The following RBFOX1 variants were observed in gnomAD, a reference collection of about 807,000 sequenced individuals.
RBFOX1 encodes the protein RNA binding fox-1 homolog 1.
A neutral mutation model predicts 57.7 loss-of-function variants in RBFOX1; 8 were observed. That is an observed-to-expected ratio of 0.14 (90% confidence interval 0.08 to 0.25). The LOEUF (loss-of-function observed/expected upper bound fraction) is 0.25, where lower values mean the gene tolerates loss of function less well. Ranked by LOEUF, RBFOX1 falls within the 10% of genes least tolerant of loss-of-function variation. The probability of loss-of-function intolerance (pLI) is 1.00; values close to 1 mark genes in which losing one functional copy is unlikely to be tolerated. For missense variants in RBFOX1, 611 were observed against 548.5 expected, an observed-to-expected ratio of 1.11 and a Z score of -1.14; for synonymous variants, 326 against 222.4, an observed-to-expected ratio of 1.47 and a Z score of -4.15.
At chr16:6,741,033 T>C (rs2071918116) in intron 3 of RBFOX1, among the ~76,000 whole-genome samples, 1 of 152,108 alleles carries the variant, frequency 6.6e-6, no homozygotes, top group South Asian at 2.1e-4. Context: ...CCTAAATCAA[T>C]GGAAGGGAAG....
At chr16:6,392,650 C>T (rs144640570) in intron 2 of RBFOX1, among the ~76,000 whole-genome samples, 1 of 152,272 alleles carries the variant, frequency 6.6e-6, no homozygotes, top group African/African-American at 2.4e-5. Flanking sequence ...TAATAGACCC[C>T]CCTAATGGGA....
intron 2 of RBFOX1, among the ~76,000 whole-genome samples, chr16:6,390,416 C>A (rs969409505): frequency 5.3e-5 from 8 of 152,012 alleles, no homozygotes; most frequent in African/African-American, 1.9e-4. Context: ...TTTGTTAATG[C>A]AGGTATCAAT....
chr16:6,338,239 C>G (rs2084037238), intron 2 of RBFOX1, among the ~76,000 whole-genome samples: 1 of 152,062 alleles, frequency 6.6e-6, no homozygotes, highest in South Asian at 2.1e-4. Context: ...AACACACACA[C>G]CTACACCTGT....
chr16:6,192,845 G>A (rs1007097467), intron 1 of RBFOX1, among the ~76,000 whole-genome samples: 4 of 152,102 alleles, frequency 2.6e-5, no homozygotes, highest in Non-Finnish European at 5.9e-5. Context: ...TTAATAAAAA[G>A]CATCTTTATT....
intron 11 of RBFOX1, among the ~76,000 whole-genome samples, chr16:7,650,153 A>T (rs2064703448): frequency 6.6e-6 from 1 of 152,122 alleles, no homozygotes; most frequent in African/African-American, 2.4e-5. Context: ...AATGTGATCG[A>T]TGAGCATTTT....
At chr16:6,684,242 G>C (rs1040899780) in intron 3 of RBFOX1, among the ~76,000 whole-genome samples, 1 of 152,194 alleles carries the variant, frequency 6.6e-6, no homozygotes, top group African/African-American at 2.4e-5. Flanking sequence ...GCTGGTGTTA[G>C]AGGCTAATGT....
chr16:7,444,242 T>A (rs1490647111), intron 4 of RBFOX1, among the ~76,000 whole-genome samples: 3 of 152,226 alleles, frequency 2.0e-5, no homozygotes, highest in African/African-American at 7.2e-5. Flanking sequence ...TTATCTATGT[T>A]CTAACCTGTT....
intron 1 of RBFOX1, among the ~76,000 whole-genome samples, chr16:5,375,276 C>T (rs2065956940): frequency 6.6e-6 from 1 of 151,998 alleles, no homozygotes; most frequent in Non-Finnish European, 1.5e-5. Context: ...AGCTGTTTTC[C>T]AGGGATCCAT....
chr16:6,787,497 T>A lies in RBFOX1; in HGVS notation c.-16+132847T>A, dbSNP rs188020688. ...GAGTCTCCCTGTGGTTAAGTTGAAG[T>A]TGTGTGACTGTATGCTGGGCAATAG... On this transcript the variant is annotated intron_variant, in intron 3 of 15. Coordinates refer to ENST00000550418, the MANE Select transcript of RBFOX1 (RefSeq NM_018723.4). Among the ~76,000 whole-genome samples, 6 of 152,306 alleles carry A rather than the reference T, an allele frequency of 3.9e-5. No homozygotes were observed. In the East Asian group the frequency reaches 1.2e-3, roughly 29 times the overall value.
At chr16:6,118,382 A>T (rs998429824) in intron 1 of RBFOX1, among the ~76,000 whole-genome samples, 3 of 152,176 alleles carry the variant, frequency 2.0e-5, no homozygotes, top group African/African-American at 7.2e-5. Flanking sequence ...GTTATGGAGG[A>T]TGGAAAGTCC....
chr16:5,940,811 G>T (rs561463622), intron 4 of RBFOX1, among the ~76,000 whole-genome samples: 1 of 152,282 alleles, frequency 6.6e-6, no homozygotes, highest in Non-Finnish European at 1.5e-5. Flanking sequence ...TGGGCTGGCA[G>T]CTGTGCTGTG....
chr16:7,513,669 A>G (rs1360972083), intron 4 of RBFOX1, among the ~76,000 whole-genome samples: 1 of 152,142 alleles, frequency 6.6e-6, no homozygotes, highest in African/African-American at 2.4e-5. Context: ...TGTGGGGAGC[A>G]ATCACACCTC....
At chr16:5,255,315 C>CACTT (rs2062557350) in intron 1 of RBFOX1, among the ~76,000 whole-genome samples, 1 of 107,216 alleles carries the variant, frequency 9.3e-6, no homozygotes, top group Non-Finnish European at 2.1e-5. Context: ...TATCCGTCCA[C>CACTT]ACTTCCTTCC....
chr16:7,459,036 G>A (rs1221800751), intron 4 of RBFOX1, among the ~76,000 whole-genome samples: 1 of 152,252 alleles, frequency 6.6e-6, no homozygotes, highest in Non-Finnish European at 1.5e-5. Context: ...ATGGATGGAT[G>A]AATGATGGAT....
rs1026325296 is a variant in RBFOX1 at position 7,207,429 on chromosome 16, A to G, written c.27+155331A>G. On this transcript the variant is annotated intron_variant, in intron 4 of 15. Transcript: ENST00000550418. Reference sequence around the variant, plus strand: ...GGTAGAGAGAGGAACTCAACAGCACAAAATAGTCAAAACATAACATTTTAT... The same window carrying G: ...GGTAGAGAGAGGAACTCAACAGCACGAAATAGTCAAAACATAACATTTTAT... Among the ~76,000 whole-genome samples the G allele has an allele frequency of 2.0e-5, 3 of 152,200 alleles. No homozygotes were observed. The South Asian group carries it at 6.2e-4, about 32-fold the overall frequency.
In RBFOX1 at chr16:6,487,144, CTGTGTGTGTGTGTGTGTG is replaced by C. The variant is rs60180975; in HGVS notation, c.-63-167439_-63-167422del. Among the ~76,000 whole-genome samples the C allele has an allele frequency of 7.8e-5, 11 of 140,218 alleles. No homozygotes were observed. The East Asian group carries it at 1.5e-3, about 19-fold the overall frequency. The allele number at this position is 140,218 out of a possible 152,430, so 92.0% of individuals were successfully genotyped here. On this transcript the variant is annotated intron_variant, in intron 2 of 15. Coordinates refer to ENST00000550418, the MANE Select transcript of RBFOX1 (RefSeq NM_018723.4). ...GGGGTTTCAGTAAGTTGTGGGGTTT[CTGTGTGTGTGTGTGTGTG>C]TGTGTGTGTGTGTGTGTGTACCCAA...
intron 3 of RBFOX1, among the ~76,000 whole-genome samples, chr16:6,726,748 TTG>T (rs2067278625): frequency 6.6e-6 from 1 of 152,152 alleles, no homozygotes; most frequent in Admixed American, 6.6e-5. Context: ...TTCCTAAAAC[TTG>T]TGTCTTTGAA....
chr16:6,711,472 G>T (rs989810827), intron 3 of RBFOX1, among the ~76,000 whole-genome samples: 2 of 152,114 alleles, frequency 1.3e-5, no homozygotes, highest in Non-Finnish European at 2.9e-5. Context: ...GAGGGACCTG[G>T]TAGGAGGTGA....
intron 11 of RBFOX1, among the ~76,000 whole-genome samples, chr16:7,647,955 G>C (rs962217096): frequency 6.6e-6 from 1 of 152,132 alleles, no homozygotes; most frequent in Non-Finnish European, 1.5e-5. Flanking sequence ...TTTTAGTCTT[G>C]TTTAATTTGT....
Sources: gnomAD v4.1 joint callset for allele counts (sites outside exome capture counted in the v4.1 genomes callset) on GRCh38, gnomAD v4.1.1 for gene constraint, MANE v1.5 for transcripts, NCBI Gene and HGNC (gene_info 2026-07-23, HGNC 2026-07-21) for gene names.